Variants in ELMO3 observed in about 807,000 individuals in gnomAD.
The protein encoded by ELMO3 is engulfment and cell motility 3.
In ELMO3, 81 loss-of-function variants were observed where a neutral mutation model predicts 89.0. The observed-to-expected ratio is 0.91, with a 90% CI of 0.76 to 1.09. ELMO3 has a LOEUF of 1.09. Among genes scored for constraint, ELMO3 ranks in the 50% least tolerant of loss-of-function variants. ELMO3 has a pLI of 0.00. For synonymous variants in ELMO3, 406 were observed against 400.6 expected, an observed-to-expected ratio of 1.01 and a Z score of -0.16; for missense variants, 959 against 972.8, an observed-to-expected ratio of 0.99 and a Z score of 0.19.
Position 67,199,611 on chromosome 16 carries a change from A to AG in ELMO3, c.119+21dup. On this transcript the variant is annotated intron_variant, in intron 2 of 19. Coordinates refer to ENST00000393997, the MANE Select transcript of ELMO3 (RefSeq NM_024712.5). Reference sequence around the variant, plus strand: ...TGCGACGCGTGAGTGCTGCCGGGCCAGGGCCTGCGGAGGGCGGGAGGGCAG... The same window carrying AG: ...TGCGACGCGTGAGTGCTGCCGGGCCAGGGGCCTGCGGAGGGCGGGAGGGCAG... The AG allele has an allele frequency of 6.2e-7, 1 of 1,608,732 alleles. No homozygotes were observed. Among genetic ancestry groups the AG allele is most frequent in the Non-Finnish European group, 8.5e-7 (1 of 1,178,766 alleles).
chr16:67,199,901 G>A (rs1337601592), intron 3 of ELMO3, 50 bp from the exon 4 acceptor site: 1 of 1,613,410 alleles, frequency 6.2e-7, no homozygotes, highest in Non-Finnish European at 8.5e-7. Context: ...CAGTTGATCA[G>A]TCCTCGGAGC....
chr16:67,201,970 C>A lies in ELMO3; in HGVS notation c.1051-7C>A. ...CTTCTTGAACTGCCTGTGCCCACTT[C>A]CCCCAGAACAGCAACCCAGCACAGG... On this transcript the variant is annotated splice_polypyrimidine_tract_variant and splice_region_variant and intron_variant, in intron 11 of 19. Transcript: ENST00000393997. 1.2e-6 allele frequency: 2 copies of A among 1,612,396 alleles called. No homozygotes were observed. The highest frequency in any genetic ancestry group is 1.7e-6 in the Non-Finnish European group (2 of 1,179,708).
chr16:67,200,854 G>A (rs1354394844), intron 7 of ELMO3, 36 bp from the exon 8 acceptor site: 1 of 1,613,682 alleles, frequency 6.2e-7, no homozygotes, highest in African/African-American at 1.3e-5. Context: ...CAGGGCTGGA[G>A]CCTGAATGTT....
At position 67,203,033 on chromosome 16, in the gene ELMO3, G is replaced by C; in HGVS notation, c.1675+29G>C. On this transcript the variant is annotated intron_variant, in intron 16 of 19. Coordinates refer to ENST00000393997, the MANE Select transcript of ELMO3 (RefSeq NM_024712.5). The surrounding 1 kb of genome is among the most constrained non-coding windows in gnomAD (Gnocchi z 4.6). ...TCTGAATGGGCATGGGCAGGGGGCA[G>C]AGGGCAGGCAGAGGGCAGGCAGAGG... 1.3e-6 allele frequency: 2 copies of C among 1,595,212 alleles called. No homozygotes were observed. The highest frequency in any genetic ancestry group is 8.5e-7 in the Non-Finnish European group (1 of 1,176,908).
At position 67,199,418 on chromosome 16, in the gene ELMO3, TCCCG is replaced by T. The variant is rs1040453895; in HGVS notation, c.78+17_78+20del. On this transcript the variant is annotated intron_variant, in intron 1 of 19. Coordinates refer to ENST00000393997, the MANE Select transcript of ELMO3 (RefSeq NM_024712.5). ...CAGCTGGACCAGGTCACCCGGCTGG[TCCCG>T]CCTCCATCTGCCCCACTGCCCCACC... is the stretch of plus-strand genomic sequence containing the variant. 2 of 1,602,294 alleles carry T rather than the reference TCCCG, an allele frequency of 1.2e-6. No homozygotes were observed. Among genetic ancestry groups the T allele is most frequent in the Non-Finnish European group, 1.7e-6 (2 of 1,178,988 alleles).
In ELMO3 at chr16:67,202,161, T is replaced by C; in HGVS notation, c.1153-15T>C. 6.3e-7 allele frequency: 1 copy of C among 1,599,114 alleles called. No individual in the cohort carries two copies. Among genetic ancestry groups the C allele is most frequent in the Non-Finnish European group, 8.5e-7 (1 of 1,170,552 alleles). ...GCTTAGCTGTGACTCCTTGCCCCAT[T>C]CTCTGCGCCCCCAGTTTGTGTTGGA... On this transcript the variant is annotated splice_polypyrimidine_tract_variant and intron_variant, in intron 12 of 19. Coordinates refer to ENST00000393997, the MANE Select transcript of ELMO3 (RefSeq NM_024712.5).
intron 14 of ELMO3, 25 bp downstream of exon 14, chr16:67,202,558 C>T (rs2033140529): frequency 3.1e-6 from 5 of 1,612,426 alleles, no homozygotes; most frequent in Middle Eastern, 1.6e-4. Flanking sequence ...AGCTGGGAGG[C>T]CTGGGCCAGG....
At chr16:67,202,125 G>A (rs376868113) in intron 12 of ELMO3, 47 bp downstream of exon 12, 2 of 1,608,468 alleles carry the variant, frequency 1.2e-6, no homozygotes, top group African/African-American at 2.7e-5. Flanking sequence ...CCCCAGGCAG[G>A]GTCCCCATGG....
At position 67,202,005 on chromosome 16, in the gene ELMO3, G is replaced by A. The variant is rs765459031; in HGVS notation, c.1079G>A (p.Arg360His). 6.8e-6 allele frequency: 11 copies of A among 1,613,332 alleles called. No individual in the cohort carries two copies. The highest frequency in any genetic ancestry group is 2.2e-5 in the South Asian group (2 of 91,088). Reference protein sequence around the residue: ...SNSNPAQDLERVPPGLLALDN... With the variant: ...SNSNPAQDLEHVPPGLLALDN... ...AGCAACCCAGCACAGGACCTGGAGCGCGTGCCCCCCGGTCTGCTGGCCCTG... is the reference window on the plus strand; with the variant it reads ...AGCAACCCAGCACAGGACCTGGAGCACGTGCCCCCCGGTCTGCTGGCCCTG... Residue 360 changes from arginine (R) to histidine (H), a missense_variant, in exon 12 of 20, where the codon CGC (arginine) becomes CAC (histidine). By Grantham distance (29) the Arg-to-His change is conservative. Transcript: ENST00000393997.
chr16:67,203,278 C>G lies in ELMO3; in HGVS notation c.1781-49C>G. On this transcript the variant is annotated intron_variant, in intron 17 of 19. Transcript: ENST00000393997. The surrounding 1 kb of genome is among the most constrained non-coding windows in gnomAD (Gnocchi z 4.6). Reference sequence around the variant, plus strand: ...CCTGCTCTCCCCAGACCGCCCTGGGCCCCGGGGCTGCCAGGGCTGCAGTGC... The same window carrying G: ...CCTGCTCTCCCCAGACCGCCCTGGGGCCCGGGGCTGCCAGGGCTGCAGTGC... 6.3e-7 allele frequency: 1 copy of G among 1,587,842 alleles called. No homozygotes were observed. Among genetic ancestry groups the G allele is most frequent in the Non-Finnish European group, 8.5e-7 (1 of 1,170,992 alleles).
rs754363104 is a variant in ELMO3 at position 67,202,262 on chromosome 16, G to C, written c.1239G>C (p.Glu413Asp). ...TCCAGCTGACGGTGCTGCTGTGTGAGCTGCTCCGTGTTGGGGAGCCCTGTG... is the reference window on the plus strand; with the variant it reads ...TCCAGCTGACGGTGCTGCTGTGTGACCTGCTCCGTGTTGGGGAGCCCTGTG... ...GSIQLTVLLCELLRVGEPCSE... is the reference protein window; with the variant it reads ...GSIQLTVLLCDLLRVGEPCSE... Residue 413 changes from glutamate to aspartate, a missense_variant, in exon 13 of 20, where the codon GAG (glutamate) becomes GAC (aspartate). Coordinates refer to ENST00000393997, the MANE Select transcript of ELMO3 (RefSeq NM_024712.5). The C allele has an allele frequency of 1.1e-5, 17 of 1,607,540 alleles. No individual in the cohort carries two copies. In the South Asian group the frequency reaches 1.5e-4, roughly 15 times the overall value.
chr16:67,201,354 G>A (rs775627716), intron 8 of ELMO3, 31 bp from the exon 9 acceptor site: 77 of 1,612,422 alleles, frequency 4.8e-5, no homozygotes, highest in Non-Finnish European at 5.9e-5. Flanking sequence ...ACCGCGCCCA[G>A]CCTAAGCCCC....
chr16:67,202,377 C>T lies in ELMO3; in HGVS notation c.1262-20C>T. On this transcript the variant is annotated intron_variant, in intron 13 of 19. Coordinates refer to ENST00000393997, the MANE Select transcript of ELMO3 (RefSeq NM_024712.5). The stretch of plus-strand genomic sequence containing the variant: ...CTGTATGCACTTTCTCCCTGAGCCC[C>T]TCCTGCCCCCCCACTCCAGGCTCTG... The T allele has an allele frequency of 6.2e-7, 1 of 1,613,770 alleles. No individual in the cohort carries two copies. The highest frequency in any genetic ancestry group is 8.5e-7 in the Non-Finnish European group (1 of 1,180,018).
Position 67,200,008 on chromosome 16 carries a change from C to T in ELMO3, c.243+7C>T, listed in dbSNP as rs375574324. ...GTGCCTCAGCACGGCCCCAGTAATG[C>T]CCCTCCCGTCCCGCCTTCCCCATCC... On this transcript the variant is annotated splice_region_variant and intron_variant, in intron 4 of 19. Coordinates refer to ENST00000393997, the MANE Select transcript of ELMO3 (RefSeq NM_024712.5). The T allele has an allele frequency of 6.8e-6, 11 of 1,613,328 alleles. No homozygotes were observed. The highest frequency in any genetic ancestry group is 6.7e-5 in the East Asian group (3 of 44,880).
In ELMO3 at chr16:67,199,593, C is replaced by T. The variant is rs775741916; in HGVS notation, c.119C>T (p.Ala40Val). ...LAAVLKEVCDAWSLTHSERYA... is the reference protein window; with the variant it reads ...LAAVLKEVCDVWSLTHSERYA... Reference sequence around the variant, plus strand: ...GCTGTGCTGAAGGAGGTGTGCGACGCGTGAGTGCTGCCGGGCCAGGGCCTG... The same window carrying T: ...GCTGTGCTGAAGGAGGTGTGCGACGTGTGAGTGCTGCCGGGCCAGGGCCTG... Residue 40 changes from alanine to valine, a missense_variant and splice_region_variant, in exon 2 of 20, where the codon GCG (alanine) becomes GTG (valine). Physicochemically the swap from Ala to Val is moderately conservative, Grantham distance 64. Coordinates refer to ENST00000393997, the MANE Select transcript of ELMO3 (RefSeq NM_024712.5). 5.1e-5 allele frequency: 82 copies of T among 1,609,636 alleles called. 1 individual carries two copies. Among genetic ancestry groups the T allele is most frequent in the Non-Finnish European group, 6.5e-5 (77 of 1,179,300 alleles).
chr16:67,199,154 G>T lies in ELMO3; in HGVS notation c.-173G>T. 6.2e-7 allele frequency: 1 copy of T among 1,605,878 alleles called. No individual in the cohort carries two copies. On this transcript the variant is annotated 5_prime_UTR_variant, in exon 1 of 20. Coordinates refer to ENST00000393997, the MANE Select transcript of ELMO3 (RefSeq NM_024712.5). ...CCGGAACTAACCTCGGCTCCCTTGG[G>T]AAGGCCGCGTTGCATGGCCAGGAGC...
intron 11 of ELMO3, 27 bp from the exon 12 acceptor site, chr16:67,201,950 T>TGAA: frequency 6.2e-7 from 1 of 1,610,588 alleles, no homozygotes; most frequent in South Asian, 1.1e-5. Context: ...TGGCCCTTCT[T>TGAA]GAACTGCCTG....
In ELMO3 at chr16:67,202,185, G is replaced by A; in HGVS notation, c.1162G>A (p.Glu388Lys). 1.2e-6 allele frequency: 2 copies of A among 1,601,182 alleles called. No homozygotes were observed. The highest frequency in any genetic ancestry group is 2.2e-5 in the South Asian group (2 of 89,936). ...TTCTCTGCGCCCCCAGTTTGTGTTGGAGAACAGCAGCCGCGAGGACAAGCA... is the reference window on the plus strand; with the variant it reads ...TTCTCTGCGCCCCCAGTTTGTGTTGAAGAACAGCAGCCGCGAGGACAAGCA... ...APSAYSRFVLENSSREDKHEC... is the reference protein window; with the variant it reads ...APSAYSRFVLKNSSREDKHEC... Residue 388 changes from glutamate (E) to lysine (K), a missense_variant, in exon 13 of 20, where the codon GAG (glutamate) becomes AAG (lysine). Coordinates refer to ENST00000393997, the MANE Select transcript of ELMO3 (RefSeq NM_024712.5).
In ELMO3 at chr16:67,200,363, T is replaced by C; in HGVS notation, c.413+2T>C. On this transcript the variant is annotated splice_donor_variant, in intron 5 of 19. Transcript: ENST00000393997. LOFTEE classifies it high-confidence loss of function. ...CACCATCATTGAAGATGGGGACGAGTGAGCACAGGGATGTGTGGGCTGGGG... is the reference window on the plus strand; with the variant it reads ...CACCATCATTGAAGATGGGGACGAGCGAGCACAGGGATGTGTGGGCTGGGG... The C allele has an allele frequency of 1.2e-6, 2 of 1,613,554 alleles. No homozygotes were observed. The highest frequency in any genetic ancestry group is 1.7e-6 in the Non-Finnish European group (2 of 1,179,898).
Sources: gnomAD v4.1 joint callset for allele counts on GRCh38, gnomAD v4.1.1 for gene constraint, Gnocchi (gnomAD v3.1) non-coding constraint, MANE v1.5 for transcripts, NCBI Gene and HGNC (gene_info 2026-07-23, HGNC 2026-07-21) for gene names.